TRIT1: variants seen among roughly 807,000 people sequenced by gnomAD.
The protein encoded by TRIT1 is tRNA isopentenyltransferase 1.
A neutral mutation model predicts 51.2 loss-of-function variants in TRIT1; 43 were observed. That is an observed-to-expected ratio of 0.84 (90% CI 0.66 to 1.08). The LOEUF (loss-of-function observed/expected upper bound fraction) is 1.08. Among genes scored for constraint, TRIT1 ranks in the 50% least tolerant of loss-of-function variants. The pLI, the probability that TRIT1 is intolerant of heterozygous loss-of-function variation, is 0.00. For missense variants in TRIT1, 528 were observed against 578.4 expected (o/e 0.91, Z 0.89); for synonymous variants, 184 against 203.9 (o/e 0.90, Z 0.83).
chr1:39,856,795 G>A (rs1642927995), intron 2 of TRIT1, among the ~76,000 whole-genome samples: 2 of 152,084 alleles, frequency 1.3e-5, no homozygotes, highest in South Asian at 2.1e-4. Flanking sequence ...TATATTTATA[G>A]ATTAACTTCG....
chr1:39,863,469 AAG>A (rs976974396), intron 1 of TRIT1, among the ~76,000 whole-genome samples: 3 of 152,240 alleles, frequency 2.0e-5, no homozygotes, highest in African/African-American at 7.2e-5. Flanking sequence ...CTTAAAAAAA[AAG>A]AGTCCTAGTC....
In TRIT1 at chr1:39,838,112, T is replaced by C. The variant is rs375027854; in HGVS notation, c.*3632A>G. Among the ~76,000 whole-genome samples, 8 of 152,246 alleles carry C rather than the reference T, an allele frequency of 5.3e-5. No homozygotes were observed. Among genetic ancestry groups the C allele is most frequent in the African/African-American group, 1.9e-4 (8 of 41,468 alleles). On this transcript the variant is annotated 3_prime_UTR_variant, in exon 11 of 11. Transcript: ENST00000316891. ...ACTGTATTGTTGAGTCTCTTTGTTA[T>C]AGCAACTTAGCCTTTTACCTGAACT...
rs764561929 is a variant in TRIT1 at position 39,852,754 on chromosome 1, T to G, written c.537A>C (p.Pro179=). ...VDPEMAAKLH[P]HDKRKVARSL... Reference sequence around the variant, plus strand: ...ACCTGGCCACTTTGCGTTTGTCATGTGGATGCAGCTTGGCAGCCATTTCTG... The same window carrying G: ...ACCTGGCCACTTTGCGTTTGTCATGGGGATGCAGCTTGGCAGCCATTTCTG... Residue 179 remains proline (P), a synonymous_variant, in exon 4 of 11, where the codon CCA becomes CCC. Coordinates refer to ENST00000316891, the MANE Select transcript of TRIT1 (RefSeq NM_017646.6). 2 of 1,614,116 alleles carry G rather than the reference T, an allele frequency of 1.2e-6. No individual in the cohort carries two copies. The highest frequency in any genetic ancestry group is 2.2e-5 in the South Asian group (2 of 91,082).
intron 1 of TRIT1, among the ~76,000 whole-genome samples, chr1:39,868,662 A>AC (rs397962237): frequency 1.3e-5 from 2 of 150,326 alleles, no homozygotes; most frequent in African/African-American, 4.9e-5. Flanking sequence ...AAAAAAAAAA[A>AC]CTCTTAAAAT....
intron 1 of TRIT1, among the ~76,000 whole-genome samples, chr1:39,879,709 A>G (rs1292247950): frequency 6.6e-6 from 1 of 151,564 alleles, no homozygotes; most frequent in Non-Finnish European, 1.5e-5. Flanking sequence ...CCCCGACTCT[A>G]CTAATAATAC....
rs764390031 is a variant in TRIT1 at position 39,857,413 on chromosome 1, T to C, written c.179A>G (p.Tyr60Cys). The C allele has an allele frequency of 6.2e-6, 10 of 1,613,570 alleles. No homozygotes were observed. The highest frequency in any genetic ancestry group is 1.1e-5 in the South Asian group (1 of 90,974). ...EIVSADSMQVYEGLDIITNKV... is the reference protein window; with the variant it reads ...EIVSADSMQVCEGLDIITNKV... ...GTTGGTGATGATGTCTAGGCCTTCA[T>C]AGACCTAGGGGAAAGAAAATTAACA... The change falls in exon 2 of 11, where the codon TAT becomes TGT. Residue 60 changes from tyrosine to cysteine, a missense_variant. By Grantham distance (194) the Tyr-to-Cys change is radical (BLOSUM62 -2). Around this residue, in one of 3 missense-constraint regions of TRIT1, gnomAD observed 468 missense variants for 522.6 expected, o/e 0.90. Transcript: ENST00000316891.
chr1:39,876,556 CTAT>C, intron 1 of TRIT1, among the ~76,000 whole-genome samples: 1 of 141,318 alleles, frequency 7.1e-6, no homozygotes, highest in South Asian at 2.1e-4. Context: ...ATCTATCTAT[CTAT>C]ATATATATAT....
intron 1 of TRIT1, among the ~76,000 whole-genome samples, chr1:39,865,632 T>C (rs1202595885): frequency 7.0e-6 from 1 of 142,140 alleles, no homozygotes; most frequent in African/African-American, 2.7e-5. Context: ...AGCCCAAAGT[T>C]TGAGACCAGC....
Position 39,854,019 on chromosome 1 carries a change from G to T in TRIT1, c.365C>A (p.Thr122Asn). The T allele has an allele frequency of 6.2e-7, 1 of 1,613,412 alleles. No homozygotes were observed. The highest frequency in any genetic ancestry group is 2.2e-5 in the East Asian group (1 of 44,850). The change falls in exon 3 of 11, where the codon ACC becomes AAC. Residue 122 changes from threonine (T) to asparagine (N), a missense_variant. Physicochemically the swap from Thr to Asn is moderately conservative, Grantham distance 65. Coordinates refer to ENST00000316891, the MANE Select transcript of TRIT1 (RefSeq NM_017646.6). Reference sequence around the variant, plus strand: ...GAGCAGAGATTCAATGTAATAATTGGTTCCTCCCACAACAATAGGAATTTT... The same window carrying T: ...GAGCAGAGATTCAATGTAATAATTGTTTCCTCCCACAACAATAGGAATTTT... Reference protein sequence around the residue: ...RDKIPIVVGGTNYYIESLLWK... With the variant: ...RDKIPIVVGGNNYYIESLLWK...
intron 4 of TRIT1, 115 bp downstream of exon 4, chr1:39,852,616 C>T (rs1642646824): frequency 3.0e-6 from 4 of 1,313,078 alleles, no homozygotes; most frequent in Non-Finnish European, 4.2e-6. Flanking sequence ...TAGAACAACA[C>T]ATCAATCTCC....
At chr1:39,853,163 G>A (rs573716583) in intron 3 of TRIT1, among the ~76,000 whole-genome samples, 22 of 152,288 alleles carry the variant, frequency 1.4e-4, no homozygotes, top group African/African-American at 4.8e-4. Context: ...ATATCCAGGA[G>A]TCTAGTCTTC....
intron 2 of TRIT1, 78 bp downstream of exon 2, chr1:39,857,199 C>A: frequency 6.7e-7 from 1 of 1,491,262 alleles, no homozygotes; most frequent in Admixed American, 2.3e-5. Context: ...GAAGAAATTG[C>A]CACTAGAAAG....
At chr1:39,865,671 C>CG (rs1643497699) in intron 1 of TRIT1, among the ~76,000 whole-genome samples, 1 of 68,326 alleles carries the variant, frequency 1.5e-5, no homozygotes, top group African/African-American at 4.9e-5. Flanking sequence ...TCTGTCTCTA[C>CG]AAAAAAAAAA....
chr1:39,854,067 A>T lies in TRIT1; in HGVS notation c.317T>A (p.Ile106Asn). The T allele has an allele frequency of 6.3e-7, 1 of 1,589,748 alleles. No individual in the cohort carries two copies. The highest frequency in any genetic ancestry group is 8.6e-7 in the Non-Finnish European group (1 of 1,162,020). Reference sequence around the variant, plus strand: ...TTTGTCTCGGGCAAATATATCTTCAATGTGAACATTAAGAAAGATATCACG... The same window carrying T: ...TTTGTCTCGGGCAAATATATCTTCATTGTGAACATTAAGAAAGATATCACG... ...VDFRNRATAL[I>N]EDIFARDKIP... The change falls in exon 3 of 11, where the codon ATT becomes AAT. Residue 106 changes from isoleucine to asparagine, a missense_variant and splice_region_variant. Around this residue, in one of 3 missense-constraint regions of TRIT1, gnomAD observed 468 missense variants for 522.6 expected, o/e 0.90. Transcript: ENST00000316891.
At chr1:39,853,681 G>C (rs143177115) in intron 3 of TRIT1, among the ~76,000 whole-genome samples, 2,733 of 152,252 alleles carry the variant, frequency 0.018, 60 homozygotes, top group East Asian at 0.11. Context: ...CAAAGTGCTG[G>C]GATTACAGGT....
Position 39,839,862 on chromosome 1 carries a change from T to C in TRIT1, c.*1882A>G, listed in dbSNP as rs1361896252. 6.6e-6 allele frequency among the ~76,000 whole-genome samples: 1 copy of C among 152,192 alleles called. No individual in the cohort carries two copies. The highest frequency in any genetic ancestry group is 2.4e-5 in the African/African-American group (1 of 41,442). ...TGACGTACAATTATTAAAACTAGTT[T>C]TTCCTGCTTGTCTACTGAAACCTTT... is the stretch of plus-strand genomic sequence containing the variant. On this transcript the variant is annotated 3_prime_UTR_variant, in exon 11 of 11. Coordinates refer to ENST00000316891, the MANE Select transcript of TRIT1 (RefSeq NM_017646.6).
rs1259509866 is a variant in TRIT1, at chr1:39,855,143, T to TTGGTTGGCCGAAAATAACTTTCG, written c.316-1076_316-1075insCGAAAGTTATTTTCGGCCAACCA. On this transcript the variant is annotated intron_variant, in intron 2 of 10. Coordinates refer to ENST00000316891, the MANE Select transcript of TRIT1 (RefSeq NM_017646.6). ...CTGAGGTTACAGGCGATAGCCATCGTGCCTGGCCGAAAATAACTTTTTTTA... is the reference window on the plus strand; with the variant it reads ...CTGAGGTTACAGGCGATAGCCATCGTTGGTTGGCCGAAAATAACTTTCGGCCTGGCCGAAAATAACTTTTTTTA... 3.3e-5 allele frequency among the ~76,000 whole-genome samples: 5 copies of TTGGTTGGCCGAAAATAACTTTCG among 152,214 alleles called. No homozygotes were observed. The East Asian group carries it at 9.6e-4, about 29-fold the overall frequency.
chr1:39,871,450 C>T (rs1250494492), intron 1 of TRIT1, among the ~76,000 whole-genome samples: 1 of 152,042 alleles, frequency 6.6e-6, no homozygotes, highest in Non-Finnish European at 1.5e-5. Flanking sequence ...TGTGGTGGCA[C>T]AGGCCTATAG....
chr1:39,853,325 C>A (rs1642694964), intron 3 of TRIT1, among the ~76,000 whole-genome samples: 1 of 151,362 alleles, frequency 6.6e-6, no homozygotes, highest in African/African-American at 2.4e-5. Flanking sequence ...CTGAATCAGG[C>A]TAATGGCTAA....
Sources: allele counts gnomAD v4.1 joint callset (sites outside exome capture counted in the v4.1 genomes callset), GRCh38; gene constraint gnomAD v4.1.1; regional missense constraint gnomAD v4.1.1; transcripts MANE v1.5; gene names NCBI Gene and HGNC (gene_info 2026-07-23, HGNC 2026-07-21).